The following TTYH2 variants were observed in gnomAD, a reference collection of about 807,000 sequenced individuals.
TTYH2 encodes protein tweety homolog 2.
TTYH2 carries 49 observed loss-of-function variants against 68.3 expected under a neutral mutation model. The ratio of observed to expected loss-of-function variants is 0.72; its 90% CI spans 0.57 to 0.91. The LOEUF is 0.91. Ranked by LOEUF, TTYH2 falls within the 40% of genes least tolerant of loss-of-function variation. TTYH2 has a pLI of 0.00. For synonymous variants in TTYH2, 272 were observed against 300.8 expected (o/e 0.90, Z 0.99); for missense variants, 631 against 700.4 (o/e 0.90, Z 1.12).
intron 2 of TTYH2, among the ~76,000 whole-genome samples, chr17:74,224,385 T>TACACAC (rs71286190): frequency 1.4e-4 from 21 of 150,372 alleles, no homozygotes; most frequent in Non-Finnish European, 2.8e-4. Context: ...CCCTGTCTCT[T>TACACAC]ACACACACAC....
chr17:74,243,848 GC>G, intron 5 of TTYH2, 128 bp from the exon 6 acceptor site: 1 of 755,946 alleles, frequency 1.3e-6, no homozygotes, highest in Non-Finnish European at 2.1e-6. Context: ...AGTGAGCAGG[GC>G]CCACGTCAGG....
chr17:74,247,710 C>T (rs1002652718), intron 6 of TTYH2, among the ~76,000 whole-genome samples: 6 of 152,212 alleles, frequency 3.9e-5, no homozygotes, highest in African/African-American at 1.4e-4. Flanking sequence ...TCACTCCAGC[C>T]AGGGGGTGGG....
intron 10 of TTYH2, 126 bp from the exon 11 acceptor site, chr17:74,252,108 C>A: frequency 7.9e-7 from 1 of 1,265,416 alleles, no homozygotes; most frequent in Non-Finnish European, 1.1e-6. Flanking sequence ...GCAAGGCGCT[C>A]GGGATGGGGA....
At chr17:74,244,421 C>G (rs1378949256) in intron 6 of TTYH2, among the ~76,000 whole-genome samples, 1 of 152,190 alleles carries the variant, frequency 6.6e-6, no homozygotes, top group African/African-American at 2.4e-5. Flanking sequence ...GGGTAGGGGT[C>G]CAAGCCTCAG....
At chr17:74,244,714 G>A (rs1440806727) in intron 6 of TTYH2, among the ~76,000 whole-genome samples, 1 of 152,152 alleles carries the variant, frequency 6.6e-6, no homozygotes, top group Non-Finnish European at 1.5e-5. Context: ...TTGTTTGCTG[G>A]GTGGCACTCG....
chr17:74,249,556 C>G (rs75937475), intron 8 of TTYH2, among the ~76,000 whole-genome samples, 157 bp downstream of exon 8: 160 of 152,256 alleles, frequency 1.1e-3, no homozygotes, highest in African/African-American at 3.6e-3. Flanking sequence ...TGCTTTTGGT[C>G]GTGGGTTCTA....
chr17:74,237,552 C>G (rs374174467), intron 4 of TTYH2, 38 bp downstream of exon 4: 1 of 1,548,828 alleles, frequency 6.5e-7, no homozygotes, highest in African/African-American at 1.4e-5. Context: ...GGGGCAGCAG[C>G]GGCTACATCA....
chr17:74,240,445 A>G (rs2050487773), intron 4 of TTYH2, among the ~76,000 whole-genome samples: 1 of 152,042 alleles, frequency 6.6e-6, no homozygotes, highest in Admixed American at 6.6e-5. Flanking sequence ...TCTCAAAAAA[A>G]AAAAAAAAGC....
chr17:74,215,927 C>T lies in TTYH2; in HGVS notation c.129+2211C>T, dbSNP rs116565721. 5.2e-3 allele frequency among the ~76,000 whole-genome samples: 797 copies of T among 152,312 alleles called. 5 individuals carry two copies. Among genetic ancestry groups the T allele is most frequent in the African/African-American group, 0.018 (740 of 41,558 alleles). On this transcript the variant is annotated intron_variant, in intron 1 of 13. Coordinates refer to ENST00000269346, the MANE Select transcript of TTYH2 (RefSeq NM_032646.6). This position sits in a 1 kb window ranked among gnomAD's most constrained non-coding sequence, Gnocchi z 4.3. ...GGATTTTCTGCGGCTGGGCTCTGGG[C>T]GCAGTGCTATGGCAGACACCAAGCA...
intron 1 of TTYH2, among the ~76,000 whole-genome samples, chr17:74,221,875 G>C (rs2050278887): frequency 6.6e-6 from 1 of 152,116 alleles, no homozygotes; most frequent in African/African-American, 2.4e-5. Flanking sequence ...CATGGAGCTG[G>C]CTTCTCGATT....
At chr17:74,230,296 C>T (rs1047838924) in intron 2 of TTYH2, among the ~76,000 whole-genome samples, 1 of 150,842 alleles carries the variant, frequency 6.6e-6, no homozygotes, top group South Asian at 2.1e-4. Flanking sequence ...GGTCTCACTA[C>T]GTTGCGCAGG....
chr17:74,243,611 T>C, intron 5 of TTYH2, 142 bp downstream of exon 5: 1 of 794,708 alleles, frequency 1.3e-6, no homozygotes, highest in Non-Finnish European at 2.1e-6. Flanking sequence ...TCCTCAGCAC[T>C]CAGCAGAGGA....
chr17:74,225,548 G>A (rs1244045642), intron 2 of TTYH2, among the ~76,000 whole-genome samples: 2 of 152,176 alleles, frequency 1.3e-5, no homozygotes, highest in Non-Finnish European at 2.9e-5. Flanking sequence ...AGTGGCCACC[G>A]GGTGACCGAA....
chr17:74,242,393 T>G (rs2050510748), intron 4 of TTYH2, among the ~76,000 whole-genome samples: 1 of 152,074 alleles, frequency 6.6e-6, no homozygotes, highest in Non-Finnish European at 1.5e-5. Context: ...CCTGAAGTTT[T>G]TTGTTGTTGT....
At chr17:74,243,297 C>T (rs945953967) in intron 4 of TTYH2, 77 bp from the exon 5 acceptor site, 20 of 1,207,058 alleles carry the variant, frequency 1.7e-5, no homozygotes, top group Non-Finnish European at 2.2e-5. Context: ...CCAGGGCTGC[C>T]GTGCAGGCCT....
chr17:74,249,147 C>T, intron 7 of TTYH2, 67 bp downstream of exon 7: 1 of 1,606,370 alleles, frequency 6.2e-7, no homozygotes. Context: ...CCCTACTTAC[C>T]TCTTTCAGCC....
At chr17:74,225,017 C>CAAAAAAAA (rs2050316078) in intron 2 of TTYH2, among the ~76,000 whole-genome samples, 1 of 149,662 alleles carries the variant, frequency 6.7e-6, no homozygotes, top group African/African-American at 2.5e-5. Flanking sequence ...AAAAAACAAC[C>CAAAAAAAA]AAAAAACTAA....
At chr17:74,235,400 T>C (rs2050432738) in intron 3 of TTYH2, among the ~76,000 whole-genome samples, 1 of 152,204 alleles carries the variant, frequency 6.6e-6, no homozygotes, top group Admixed American at 6.5e-5. Flanking sequence ...GCTTCTTGGT[T>C]TAGTGTGACA....
chr17:74,249,452 C>A (rs1168040433), intron 8 of TTYH2, 53 bp downstream of exon 8: 2 of 1,593,020 alleles, frequency 1.3e-6, no homozygotes, highest in East Asian at 4.5e-5. Flanking sequence ...TCCCCCTTGA[C>A]CCTAAGCCTC....
Sources: gnomAD v4.1 joint callset for allele counts (sites outside exome capture counted in the v4.1 genomes callset) on GRCh38, gnomAD v4.1.1 for gene constraint, Gnocchi (gnomAD v3.1) non-coding constraint, MANE v1.5 for transcripts, NCBI Gene and HGNC (gene_info 2026-07-23, HGNC 2026-07-21) for gene names.